Variants in ADK observed in about 807,000 individuals in gnomAD.
ADK encodes N6,N6-dimethyladenosine kinase.
ADK carries 24 observed loss-of-function variants against 44.7 expected under a neutral mutation model. The observed-to-expected ratio is 0.54, with a 90% CI of 0.39 to 0.76. The LOEUF is 0.76. Ranked by LOEUF, ADK falls within the 30% of genes least tolerant of loss-of-function variation. ADK has a pLI of 0.00. For synonymous variants in ADK, 128 were observed against 142.6 expected, an observed-to-expected ratio of 0.90 and a Z score of 0.73; for missense variants, 321 against 425.1, an observed-to-expected ratio of 0.76 and a Z score of 2.15.
chr10:74,707,289 G>A (rs990040514), intron 10 of ADK, among the ~76,000 whole-genome samples: 1 of 152,114 alleles, frequency 6.6e-6, no homozygotes, highest in Non-Finnish European at 1.5e-5. Flanking sequence ...ACCCATCTTG[G>A]CCTCTCAGAG....
At position 74,525,441 on chromosome 10, in the gene ADK, C is replaced by T. The variant is rs1424702616; in HGVS notation, c.726+15C>T. 4.4e-6 allele frequency: 7 copies of T among 1,604,358 alleles called. No homozygotes were observed. Among genetic ancestry groups the T allele is most frequent in the East Asian group, 2.2e-5 (1 of 44,720 alleles). ...GAAATGAGACAGTGAGTTACCTTTC[C>T]TTTTTCAAAAGAACCTGGGGGTTTT... is the stretch of plus-strand genomic sequence containing the variant. On this transcript the variant is annotated intron_variant, in intron 7 of 10. Coordinates refer to ENST00000539909, the MANE Select transcript of ADK (RefSeq NM_006721.4).
At chr10:74,425,667 A>G (rs1010470961) in intron 6 of ADK, among the ~76,000 whole-genome samples, 1 of 152,208 alleles carries the variant, frequency 6.6e-6, no homozygotes, top group Admixed American at 6.5e-5. Context: ...AGTTCTGTAC[A>G]TGGCTGTGAA....
At chr10:74,194,506 T>C (rs1270203142) in intron 1 of ADK, among the ~76,000 whole-genome samples, 1 of 152,218 alleles carries the variant, frequency 6.6e-6, no homozygotes, top group African/African-American at 2.4e-5. Context: ...CTTTAAGTTA[T>C]GCTTTTGGAT....
intron 6 of ADK, among the ~76,000 whole-genome samples, chr10:74,409,240 A>G (rs574633135): frequency 3.2e-4 from 48 of 152,292 alleles, no homozygotes; most frequent in Non-Finnish European, 5.3e-4. Flanking sequence ...GATAGGAAAA[A>G]AGGTTCCAAG....
chr10:74,226,757 G>A (rs7088149), intron 3 of ADK, among the ~76,000 whole-genome samples: 4,865 of 151,780 alleles, frequency 0.032, 279 homozygotes, highest in African/African-American at 0.11. Flanking sequence ...CATCAGTGTT[G>A]TTGCATATAT....
At chr10:74,632,034 T>G (rs1371266672) in intron 9 of ADK, among the ~76,000 whole-genome samples, 1 of 152,152 alleles carries the variant, frequency 6.6e-6, no homozygotes, top group Non-Finnish European at 1.5e-5. Context: ...TTTTTGTATA[T>G]TCATAGGTTG....
chr10:74,525,161 T>C (rs1195603005), intron 6 of ADK, 95 bp from the exon 7 acceptor site: 2 of 1,212,688 alleles, frequency 1.6e-6, no homozygotes, highest in African/African-American at 3.1e-5. Flanking sequence ...TTGTATTTTA[T>C]ATACTTTTGT....
intron 3 of ADK, among the ~76,000 whole-genome samples, chr10:74,225,619 A>G (rs180903323): frequency 2.6e-4 from 40 of 152,322 alleles, no homozygotes; most frequent in African/African-American, 9.6e-4. Context: ...TAAATTGTTA[A>G]TTATAAAATG....
chr10:74,192,164 A>T (rs1261788485), intron 1 of ADK, among the ~76,000 whole-genome samples: 11 of 151,466 alleles, frequency 7.3e-5, no homozygotes, highest in African/African-American at 2.7e-4. Flanking sequence ...TTGTTTACCT[A>T]TTTACTTGTT....
chr10:74,626,558 C>T (rs1340756746), intron 9 of ADK, among the ~76,000 whole-genome samples: 1 of 152,166 alleles, frequency 6.6e-6, no homozygotes, highest in African/African-American at 2.4e-5. Context: ...CTGCCTCAGC[C>T]TCCCAAAGTG....
At chr10:74,403,381 G>A (rs1018506557) in intron 6 of ADK, among the ~76,000 whole-genome samples, 1 of 152,168 alleles carries the variant, frequency 6.6e-6, no homozygotes, top group African/African-American at 2.4e-5. Context: ...TTGAGCTGCT[G>A]TGGGCTCTAC....
At chr10:74,434,451 G>T (rs545150733) in intron 6 of ADK, among the ~76,000 whole-genome samples, 1 of 152,112 alleles carries the variant, frequency 6.6e-6, no homozygotes, top group Non-Finnish European at 1.5e-5. Context: ...ATGTTAATTG[G>T]TTTTTATTTG....
chr10:74,690,281 A>G (rs759567492), intron 10 of ADK, among the ~76,000 whole-genome samples: 4 of 152,058 alleles, frequency 2.6e-5, no homozygotes, highest in Non-Finnish European at 4.4e-5. Flanking sequence ...GATCGCTTGA[A>G]CTCAGGAGTT....
chr10:74,692,022 G>A (rs866752052), intron 10 of ADK, among the ~76,000 whole-genome samples: 1 of 152,210 alleles, frequency 6.6e-6, no homozygotes, highest in Middle Eastern at 3.4e-3. Context: ...CTCCTTCGTT[G>A]CCCAAATGAT....
chr10:74,613,264 TG>T, intron 9 of ADK, among the ~76,000 whole-genome samples: 1 of 152,196 alleles, frequency 6.6e-6, no homozygotes, highest in East Asian at 1.9e-4. Context: ...ATGTTCCCTT[TG>T]GTGATATAGC....
chr10:74,317,842 C>T (rs1205942197), intron 4 of ADK, among the ~76,000 whole-genome samples: 5 of 152,060 alleles, frequency 3.3e-5, no homozygotes, highest in Admixed American at 6.5e-5. Context: ...AGTGCAGTGG[C>T]GCGATCTCTG....
chr10:74,559,717 C>T (rs1298073804), intron 7 of ADK, among the ~76,000 whole-genome samples: 1 of 152,124 alleles, frequency 6.6e-6, no homozygotes, highest in African/African-American at 2.4e-5. Context: ...TTTCAATTTG[C>T]AGTTTTAGAG....
At chr10:74,273,396 T>C (rs10824137) in intron 3 of ADK, among the ~76,000 whole-genome samples, 72,490 of 151,854 alleles carry the variant, frequency 0.48, 19,993 homozygotes, top group Non-Finnish European at 0.62. Flanking sequence ...TTGTTGGGCC[T>C]GAATTGCAAT....
At chr10:74,643,762 G>A (rs1312414693) in intron 9 of ADK, among the ~76,000 whole-genome samples, 1 of 152,100 alleles carries the variant, frequency 6.6e-6, no homozygotes. Context: ...GCAGGCATGG[G>A]GACATTGGCA....
Sources: gnomAD v4.1 joint callset for allele counts (sites outside exome capture counted in the v4.1 genomes callset) on GRCh38, gnomAD v4.1.1 for gene constraint, MANE v1.5 for transcripts, NCBI Gene and HGNC (gene_info 2026-07-23, HGNC 2026-07-21) for gene names.